The following ST6GALNAC3 variants were observed in gnomAD, a reference collection of about 807,000 sequenced individuals.
ST6GALNAC3 encodes alpha-N-acetylgalactosaminide alpha-2,6-sialyltransferase 3.
Under a neutral mutation model 32.7 loss-of-function variants are expected in ST6GALNAC3, and 25 were observed. The ratio of observed to expected loss-of-function variants is 0.76; its 90% CI spans 0.56 to 1.07. The LOEUF is 1.07. Among genes scored for constraint, ST6GALNAC3 ranks in the 50% least tolerant of loss-of-function variants. The pLI, the probability that ST6GALNAC3 is intolerant of heterozygous loss-of-function variation, is 0.00. For synonymous variants in ST6GALNAC3, 129 were observed against 133.1 expected, an observed-to-expected ratio of 0.97 and a Z score of 0.21; for missense variants, 355 against 382.4, an observed-to-expected ratio of 0.93 and a Z score of 0.60.
intron 1 of ST6GALNAC3, among the ~76,000 whole-genome samples, chr1:76,219,184 G>T (rs572604578): frequency 1.3e-5 from 2 of 152,156 alleles, no homozygotes; most frequent in Non-Finnish European, 2.9e-5. Flanking sequence ...GGGATATTTC[G>T]CATTTGCAGT....
At chr1:76,250,747 C>T (rs755827228) in intron 1 of ST6GALNAC3, among the ~76,000 whole-genome samples, 4 of 152,250 alleles carry the variant, frequency 2.6e-5, no homozygotes, top group African/African-American at 7.2e-5. Context: ...TGAGGTCTGT[C>T]GTGGTGCCTG....
At chr1:76,608,794 T>C (rs182100862) in intron 3 of ST6GALNAC3, among the ~76,000 whole-genome samples, 94 of 152,310 alleles carry the variant, frequency 6.2e-4, no homozygotes, top group African/African-American at 2.2e-3. Flanking sequence ...TCTTTTGTGA[T>C]ATTTTTGCAC....
intron 1 of ST6GALNAC3, chr1:76,142,768 T>C (rs1650409296): frequency 4.6e-6 from 2 of 436,564 alleles, no homozygotes; most frequent in Admixed American, 2.6e-5. Context: ...ATCTGGAGAA[T>C]GCAATAGGCA....
At chr1:76,319,628 T>C (rs985202919) in intron 2 of ST6GALNAC3, among the ~76,000 whole-genome samples, 1 of 152,212 alleles carries the variant, frequency 6.6e-6, no homozygotes, top group Non-Finnish European at 1.5e-5. Context: ...CGTAAGTATA[T>C]TGAGAGCAAT....
chr1:76,193,508 T>C (rs1290989187), intron 1 of ST6GALNAC3, among the ~76,000 whole-genome samples: 1 of 152,156 alleles, frequency 6.6e-6, no homozygotes, highest in Non-Finnish European at 1.5e-5. Flanking sequence ...TTGGTTTAAC[T>C]GCTTCCTCCC....
chr1:76,153,711 T>C lies in ST6GALNAC3; in HGVS notation c.18+78827T>C, dbSNP rs1453473687. On this transcript the variant is annotated intron_variant, in intron 1 of 4. Coordinates refer to ENST00000328299, the MANE Select transcript of ST6GALNAC3 (RefSeq NM_152996.4). ...CATATCTATATTTTGTTTAAAACAC[T>C]AACCATGGCTTTGTTTGAGTGGCTT... Among the ~76,000 whole-genome samples, 2 of 152,230 alleles carry C rather than the reference T, an allele frequency of 1.3e-5. 1 individual carries two copies.
intron 3 of ST6GALNAC3, among the ~76,000 whole-genome samples, chr1:76,531,168 A>T (rs994668175): frequency 1.3e-5 from 2 of 152,210 alleles, no homozygotes; most frequent in Non-Finnish European, 2.9e-5. Context: ...CCAAGTTGCT[A>T]TTCCAGTGAA....
intron 2 of ST6GALNAC3, among the ~76,000 whole-genome samples, chr1:76,336,081 G>A (rs920286846): frequency 2.0e-5 from 3 of 152,156 alleles, no homozygotes; most frequent in Non-Finnish European, 2.9e-5. Context: ...TCTGATGGGA[G>A]CCAAGATTAA....
chr1:76,456,117 A>G (rs1370521930), intron 3 of ST6GALNAC3, among the ~76,000 whole-genome samples: 3 of 152,190 alleles, frequency 2.0e-5, no homozygotes, highest in Non-Finnish European at 4.4e-5. Context: ...GGTTGCAGTG[A>G]GTCAAGATCA....
At chr1:76,215,274 T>A (rs1655389879) in intron 1 of ST6GALNAC3, among the ~76,000 whole-genome samples, 1 of 152,212 alleles carries the variant, frequency 6.6e-6, no homozygotes, top group South Asian at 2.1e-4. Flanking sequence ...ACAGAGGACA[T>A]GTAGTTTAAC....
intron 3 of ST6GALNAC3, among the ~76,000 whole-genome samples, chr1:76,625,152 A>T (rs1648888639): frequency 6.6e-6 from 1 of 151,918 alleles, no homozygotes; most frequent in African/African-American, 2.4e-5. Context: ...CTCTGTGTTG[A>T]CTCTGAAACA....
chr1:76,307,411 G>A (rs1208814275), intron 1 of ST6GALNAC3, among the ~76,000 whole-genome samples: 1 of 152,070 alleles, frequency 6.6e-6, no homozygotes, highest in African/African-American at 2.4e-5. Flanking sequence ...TTGGTCAGTG[G>A]CACAAGATAG....
At chr1:76,297,088 A>T (rs141011528) in intron 1 of ST6GALNAC3, among the ~76,000 whole-genome samples, 1 of 152,060 alleles carries the variant, frequency 6.6e-6, no homozygotes, top group East Asian at 1.9e-4. Context: ...TATGGACTTT[A>T]TCAGAAGCAA....
chr1:76,520,639 G>C (rs767487007), intron 3 of ST6GALNAC3, among the ~76,000 whole-genome samples: 5 of 152,076 alleles, frequency 3.3e-5, no homozygotes, highest in Non-Finnish European at 7.4e-5. Context: ...ATGGCTTATA[G>C]ATTTCAGAGA....
intron 3 of ST6GALNAC3, among the ~76,000 whole-genome samples, chr1:76,620,231 A>C (rs1322417148): frequency 6.6e-6 from 1 of 152,116 alleles, no homozygotes; most frequent in African/African-American, 2.4e-5. Flanking sequence ...CATTTCAGGA[A>C]GAAGAAAAGC....
intron 3 of ST6GALNAC3, among the ~76,000 whole-genome samples, chr1:76,468,393 G>T (rs1658793004): frequency 6.6e-6 from 1 of 151,968 alleles, no homozygotes. Context: ...AAGAAACAAA[G>T]AATTCTTTAG....
intron 1 of ST6GALNAC3, among the ~76,000 whole-genome samples, chr1:76,211,163 C>G (rs553550182): frequency 6.6e-6 from 1 of 152,214 alleles, no homozygotes; most frequent in East Asian, 1.9e-4. Context: ...GACATTTATG[C>G]AGCCAAAAGA....
chr1:76,168,411 A>G (rs1028359203), intron 1 of ST6GALNAC3, among the ~76,000 whole-genome samples: 5 of 152,174 alleles, frequency 3.3e-5, no homozygotes, highest in African/African-American at 1.2e-4. Context: ...TTATGTGATC[A>G]ATTTTAGAGT....
chr1:76,396,668 G>T (rs1652985551), intron 2 of ST6GALNAC3, among the ~76,000 whole-genome samples: 1 of 152,106 alleles, frequency 6.6e-6, no homozygotes, highest in African/African-American at 2.4e-5. Context: ...GTTGAAATTT[G>T]CTTTGTTGAT....
Sources: gnomAD v4.1 joint callset for allele counts (sites outside exome capture counted in the v4.1 genomes callset) on GRCh38, gnomAD v4.1.1 for gene constraint, MANE v1.5 for transcripts, NCBI Gene and HGNC (gene_info 2026-07-23, HGNC 2026-07-21) for gene names.